ADAMTSL3: variants seen among roughly 807,000 people sequenced by gnomAD.
The protein encoded by ADAMTSL3 is ADAMTS like 3.
In ADAMTSL3, 128 loss-of-function variants were observed where a neutral mutation model predicts 201.7. That is an observed-to-expected ratio of 0.63 (90% CI 0.55 to 0.73). The LOEUF (loss-of-function observed/expected upper bound fraction) is 0.73, where lower values mean the gene tolerates loss of function less well. Ranked by LOEUF, ADAMTSL3 falls within the 30% of genes least tolerant of loss-of-function variation. The pLI is 0.00. For missense variants in ADAMTSL3, 1,990 were observed against 2,119.6 expected (o/e 0.94, Z 1.20); for synonymous variants, 738 against 748.4 (o/e 0.99, Z 0.23).
intron 9 of ADAMTSL3, among the ~76,000 whole-genome samples, chr15:83,877,690 T>C (rs2065202008): frequency 6.6e-6 from 1 of 152,204 alleles, no homozygotes; most frequent in Non-Finnish European, 1.5e-5. Context: ...AAATTGACAT[T>C]TTCCAATACT....
chr15:83,680,495 T>G (rs372825523), intron 2 of ADAMTSL3, among the ~76,000 whole-genome samples: 1 of 148,116 alleles, frequency 6.8e-6, no homozygotes, highest in East Asian at 2.0e-4. Context: ...AATTTTTGAT[T>G]GGCACACCTT....
At chr15:83,670,491 C>CCA (rs144780752) in intron 2 of ADAMTSL3, among the ~76,000 whole-genome samples, 15,983 of 150,480 alleles carry the variant, frequency 0.11, 1,025 homozygotes, top group East Asian at 0.35. Flanking sequence ...TATATTATGA[C>CCA]CACACACACA....
chr15:83,809,339 G>A lies in ADAMTSL3; in HGVS notation c.363+4644G>A, dbSNP rs376166600. On this transcript the variant is annotated intron_variant, in intron 5 of 29. Coordinates refer to ENST00000286744, the MANE Select transcript of ADAMTSL3 (RefSeq NM_207517.3). ...CAGAAACAGAAATAGGGGGTAGAGA[G>A]GAACAAATGTTCTGAGAAATAGGGT... Among the ~76,000 whole-genome samples, 26 of 152,250 alleles carry A rather than the reference G, an allele frequency of 1.7e-4. No individual in the cohort carries two copies. In the East Asian group the frequency reaches 3.5e-3, roughly 20 times the overall value.
intron 17 of ADAMTSL3, among the ~76,000 whole-genome samples, chr15:83,934,188 C>G (rs1400922109): frequency 6.6e-6 from 1 of 152,190 alleles, no homozygotes; most frequent in Non-Finnish European, 1.5e-5. Context: ...GGGGGCTGTA[C>G]CCTGCAAAGC....
At chr15:83,841,120 T>TG (rs2064366696) in intron 7 of ADAMTSL3, among the ~76,000 whole-genome samples, 1 of 152,266 alleles carries the variant, frequency 6.6e-6, no homozygotes, top group South Asian at 2.1e-4. Flanking sequence ...TGTGACACCC[T>TG]GGCTTCCAAG....
Position 83,951,713 on chromosome 15 carries a change from T to C in ADAMTSL3, c.2490+8631T>C, listed in dbSNP as rs146486087. 3.3e-5 allele frequency among the ~76,000 whole-genome samples: 5 copies of C among 152,266 alleles called. No individual in the cohort carries two copies. In the East Asian group the frequency reaches 9.6e-4, roughly 29 times the overall value. On this transcript the variant is annotated intron_variant, in intron 19 of 29. Transcript: ENST00000286744. ...AGCTTGTTATTGGTCTGTTCAGGTT[T>C]TGGATTTTTTCATGGTTCAATCTGG...
At chr15:83,717,929 A>G (rs1289343973) in intron 3 of ADAMTSL3, among the ~76,000 whole-genome samples, 1 of 152,222 alleles carries the variant, frequency 6.6e-6, no homozygotes, top group Non-Finnish European at 1.5e-5. Context: ...GACAAAGCAA[A>G]TGAACAATAC....
intron 7 of ADAMTSL3, among the ~76,000 whole-genome samples, chr15:83,854,920 C>G (rs2064699666): frequency 1.3e-5 from 2 of 152,086 alleles, no homozygotes; most frequent in Admixed American, 6.5e-5. Flanking sequence ...TAGACATTGC[C>G]TTGGTTTCTA....
chr15:83,826,066 G>A lies in ADAMTSL3; in HGVS notation c.600+6019G>A, dbSNP rs186045490. 9.2e-4 allele frequency among the ~76,000 whole-genome samples: 140 copies of A among 152,264 alleles called. 1 individual carries two copies. The highest frequency in any genetic ancestry group is 1.5e-3 in the Non-Finnish European group (101 of 68,020). The stretch of plus-strand genomic sequence containing the variant: ...ATAACAAGAGCTTAAAATAAGGCAA[G>A]AGGTAGGATGAATTAAATGGAGACA... On this transcript the variant is annotated intron_variant, in intron 6 of 29. Transcript: ENST00000286744.
intron 3 of ADAMTSL3, among the ~76,000 whole-genome samples, chr15:83,738,047 C>T (rs766700952): frequency 1.3e-5 from 2 of 152,114 alleles, no homozygotes; most frequent in Non-Finnish European, 2.9e-5. Context: ...GATGATTACC[C>T]AAGACTGTCT....
chr15:84,013,795 A>G (rs1255066056), intron 23 of ADAMTSL3, among the ~76,000 whole-genome samples: 1 of 152,192 alleles, frequency 6.6e-6, no homozygotes, highest in Non-Finnish European at 1.5e-5. Context: ...AAGAAGAAGA[A>G]GAACCAAATG....
intron 15 of ADAMTSL3, 148 bp from the exon 16 acceptor site, chr15:83,912,944 C>A: frequency 1.3e-6 from 1 of 783,108 alleles, no homozygotes; most frequent in South Asian, 1.8e-5. Context: ...TACTGACCAT[C>A]AACAAAAGTA....
At chr15:83,928,049 C>T (rs1296660169) in intron 17 of ADAMTSL3, among the ~76,000 whole-genome samples, 1 of 151,588 alleles carries the variant, frequency 6.6e-6, no homozygotes, top group African/African-American at 2.4e-5. Flanking sequence ...GATCACAGTT[C>T]ACTGCAGCCT....
In ADAMTSL3 at chr15:83,853,906, CTCTATCTATCTATCTATCTA is replaced by C. The variant is rs36062109; in HGVS notation, c.728-4827_728-4808del. Reference sequence around the variant, plus strand: ...TGGTTCATTATCCCTATCACTCTATCTCTATCTATCTATCTATCTATCTATCTATCTATCTATCTATCTAT... The same window carrying C: ...TGGTTCATTATCCCTATCACTCTATCTCTATCTATCTATCTATCTATCTAT... On this transcript the variant is annotated intron_variant, in intron 7 of 29. Transcript: ENST00000286744. Among the ~76,000 whole-genome samples, 948 of 146,574 alleles carry C rather than the reference CTCTATCTATCTATCTATCTA, an allele frequency of 6.5e-3. 5 individuals are homozygous for C. Among genetic ancestry groups the C allele is most frequent in the African/African-American group, 0.022 (853 of 39,184 alleles).
intron 9 of ADAMTSL3, among the ~76,000 whole-genome samples, chr15:83,871,772 T>G (rs1044826002): frequency 2.0e-5 from 3 of 152,176 alleles, no homozygotes; most frequent in East Asian, 3.8e-4. Context: ...CTGATAAATT[T>G]GAAAATGCCT....
At chr15:83,914,852 TG>T (rs33924459) in intron 16 of ADAMTSL3, among the ~76,000 whole-genome samples, 94,625 of 149,820 alleles carry the variant, frequency 0.63, 30,605 homozygotes, top group African/African-American at 0.79. Flanking sequence ...TGTTTGGTTT[TG>T]TTTGTTTGTT....
intron 2 of ADAMTSL3, among the ~76,000 whole-genome samples, chr15:83,667,879 C>A (rs963850708): frequency 6.6e-6 from 1 of 151,966 alleles, no homozygotes; most frequent in Non-Finnish European, 1.5e-5. Context: ...GCAACCCTTT[C>A]CATAACAAAG....
At chr15:83,672,416 GC>G (rs2061340464) in intron 2 of ADAMTSL3, among the ~76,000 whole-genome samples, 1 of 152,166 alleles carries the variant, frequency 6.6e-6, no homozygotes, top group Non-Finnish European at 1.5e-5. Flanking sequence ...TAAGGTGAAG[GC>G]AGGGCCTGTG....
At chr15:83,756,243 C>T (rs549923643) in intron 3 of ADAMTSL3, among the ~76,000 whole-genome samples, 2 of 152,260 alleles carry the variant, frequency 1.3e-5, no homozygotes, top group Non-Finnish European at 2.9e-5. Context: ...AGTCTGTTTT[C>T]ACACTGCTGA....
Sources: allele counts gnomAD v4.1 joint callset (sites outside exome capture counted in the v4.1 genomes callset), GRCh38; gene constraint gnomAD v4.1.1; transcripts MANE v1.5; gene names NCBI Gene and HGNC (gene_info 2026-07-23, HGNC 2026-07-21).